Variants in CSMD1 observed in about 807,000 individuals in gnomAD.
The protein encoded by CSMD1 is CUB and sushi domain-containing protein 1.
Under a neutral mutation model 417.5 loss-of-function variants are expected in CSMD1, and 213 were observed. That is an observed-to-expected ratio of 0.51 (90% CI 0.46 to 0.57). The LOEUF (loss-of-function observed/expected upper bound fraction) is 0.57, where lower values mean the gene tolerates loss of function less well. CSMD1 is among the 20% of genes least tolerant of loss of function. CSMD1 has a pLI of 0.00. For synonymous variants in CSMD1, 2,862 were observed against 1,736.8 expected, an observed-to-expected ratio of 1.65 and a Z score of -16.11; for missense variants, 6,923 against 4,529.7, an observed-to-expected ratio of 1.53 and a Z score of -15.17.
intron 49 of CSMD1, among the ~76,000 whole-genome samples, chr8:3,057,112 T>G (rs542102177): frequency 7.5e-4 from 114 of 152,262 alleles, no homozygotes; most frequent in African/African-American, 2.6e-3. Flanking sequence ...ATATAAGCCA[T>G]ATAATGCTTA....
chr8:3,407,867 C>G (rs993653322), intron 14 of CSMD1, 32 bp downstream of exon 14: 1 of 1,545,414 alleles, frequency 6.5e-7, no homozygotes, highest in East Asian at 2.3e-5. Context: ...AAAATGAGAA[C>G]TTGGATGTGT....
At chr8:4,108,944 G>C (rs1202334723) in intron 3 of CSMD1, among the ~76,000 whole-genome samples, 3 of 152,132 alleles carry the variant, frequency 2.0e-5, no homozygotes, top group Non-Finnish European at 2.9e-5. Flanking sequence ...CTTAGAAATT[G>C]TCCATTTATG....
chr8:3,380,428 A>G (rs539373706), intron 18 of CSMD1, among the ~76,000 whole-genome samples: 1 of 152,224 alleles, frequency 6.6e-6, no homozygotes, highest in Non-Finnish European at 1.5e-5. Flanking sequence ...TACTATGAAG[A>G]CATATACACA....
chr8:3,994,838 G>C (rs1175690698), intron 5 of CSMD1, among the ~76,000 whole-genome samples: 2 of 152,222 alleles, frequency 1.3e-5, no homozygotes, highest in Non-Finnish European at 2.9e-5. Context: ...TCCTATTATT[G>C]TTCCTAACAA....
At chr8:3,839,878 C>G (rs966941153) in intron 5 of CSMD1, among the ~76,000 whole-genome samples, 2 of 151,826 alleles carry the variant, frequency 1.3e-5, no homozygotes, top group Non-Finnish European at 2.9e-5. Flanking sequence ...TTCTAAGGAT[C>G]AGAACAGCCT....
chr8:3,392,567 T>G (rs532710506), intron 17 of CSMD1, among the ~76,000 whole-genome samples: 1 of 152,198 alleles, frequency 6.6e-6, no homozygotes, highest in South Asian at 2.1e-4. Context: ...TCCCTCCTGC[T>G]TGCCTGTGGG....
At chr8:4,839,004 A>G (rs1161448612) in intron 1 of CSMD1, among the ~76,000 whole-genome samples, 1 of 152,204 alleles carries the variant, frequency 6.6e-6, no homozygotes, top group Non-Finnish European at 1.5e-5. Context: ...CCTCCTTAAC[A>G]TTCAGACTTG....
intron 2 of CSMD1, among the ~76,000 whole-genome samples, chr8:4,438,477 C>G (rs1193843507): frequency 6.6e-6 from 1 of 152,228 alleles, no homozygotes; most frequent in South Asian, 2.1e-4. Context: ...TGGACCAACG[C>G]TTGGGTTCCA....
intron 5 of CSMD1, among the ~76,000 whole-genome samples, chr8:3,787,531 T>C (rs1474142503): frequency 6.6e-6 from 1 of 152,086 alleles, no homozygotes; most frequent in African/African-American, 2.4e-5. Context: ...ATTAAGAAAA[T>C]ATTCATATCC....
intron 5 of CSMD1, among the ~76,000 whole-genome samples, chr8:3,823,367 T>G (rs1377319345): frequency 6.6e-6 from 1 of 152,208 alleles, no homozygotes. Context: ...CCGGTTGCAT[T>G]ATTTAAAGGA....
rs897750318 is a variant in CSMD1 at position 3,447,213 on chromosome 8, C to T, written c.1561+21499G>A. 1.6e-4 allele frequency among the ~76,000 whole-genome samples: 24 copies of T among 152,098 alleles called. 1 individual carries two copies. The highest frequency in any genetic ancestry group is 1.9e-4 in the East Asian group (1 of 5,196). On this transcript the variant is annotated intron_variant, in intron 12 of 69. Coordinates refer to ENST00000635120, the MANE Select transcript of CSMD1 (RefSeq NM_033225.6). ...CAAAGAAAAATGATGAACCAGCATG[C>T]GTCTGCATCTATCAAACACAAATTA...
chr8:4,464,511 T>C (rs1317989848), intron 2 of CSMD1, among the ~76,000 whole-genome samples: 5 of 152,106 alleles, frequency 3.3e-5, no homozygotes, highest in Non-Finnish European at 7.3e-5. Flanking sequence ...ACATTGAGTA[T>C]CTCGTGTCAT....
chr8:4,966,922 G>C (rs1400612144), intron 1 of CSMD1, among the ~76,000 whole-genome samples: 1 of 152,220 alleles, frequency 6.6e-6, no homozygotes, highest in African/African-American at 2.4e-5. Context: ...TGAAGCATTG[G>C]CAATCCAGTG....
At chr8:4,029,592 T>C (rs1797236221) in intron 4 of CSMD1, among the ~76,000 whole-genome samples, 1 of 152,250 alleles carries the variant, frequency 6.6e-6, no homozygotes, top group South Asian at 2.1e-4. Flanking sequence ...GTGAGAATTG[T>C]GGGAGCTGCA....
intron 12 of CSMD1, among the ~76,000 whole-genome samples, chr8:3,452,753 A>G (rs1030804136): frequency 6.6e-6 from 1 of 152,186 alleles, no homozygotes; most frequent in Admixed American, 6.5e-5. Context: ...ATCGATGTTC[A>G]TCAGGGATAT....
rs77227439 is a variant in CSMD1 at position 3,582,420 on chromosome 8, C to G, written c.1222+3716G>C. On this transcript the variant is annotated intron_variant, in intron 9 of 69. Coordinates refer to ENST00000635120, the MANE Select transcript of CSMD1 (RefSeq NM_033225.6). ...AAAAGTTGCCAACCTGAGGAACTTA[C>G]GTATTTTAATTGAAGAAAGAGTGTT... is the stretch of plus-strand genomic sequence containing the variant. Among the ~76,000 whole-genome samples, 59 of 152,212 alleles carry G rather than the reference C, an allele frequency of 3.9e-4. No homozygotes were observed. The East Asian group carries it at 9.3e-3, about 24-fold the overall frequency.
At chr8:4,309,639 T>C (rs889245626) in intron 3 of CSMD1, among the ~76,000 whole-genome samples, 5 of 152,178 alleles carry the variant, frequency 3.3e-5, no homozygotes, top group African/African-American at 1.2e-4. Context: ...AGGGGCATAC[T>C]GCTACTGAAA....
chr8:3,770,533 A>T (rs1358402035), intron 5 of CSMD1, among the ~76,000 whole-genome samples: 1 of 152,186 alleles, frequency 6.6e-6, no homozygotes, highest in Non-Finnish European at 1.5e-5. Context: ...CATCTCAAAA[A>T]ATAAATAAAT....
intron 3 of CSMD1, among the ~76,000 whole-genome samples, chr8:4,078,533 G>T (rs1280026259): frequency 1.3e-5 from 2 of 151,442 alleles, no homozygotes; most frequent in African/African-American, 2.4e-5. Context: ...CAAAGTGCTG[G>T]GATTACAGGG....
Sources: gnomAD v4.1 joint callset for allele counts (sites outside exome capture counted in the v4.1 genomes callset) on GRCh38, gnomAD v4.1.1 for gene constraint, MANE v1.5 for transcripts, NCBI Gene and HGNC (gene_info 2026-07-23, HGNC 2026-07-21) for gene names.